Variants in USP48 observed in about 807,000 individuals in gnomAD.
USP48 encodes the protein ubiquitin carboxyl-terminal hydrolase 48.
In USP48, 43 loss-of-function variants were observed where a neutral mutation model predicts 150.7. The ratio of observed to expected loss-of-function variants is 0.29; its 90% CI spans 0.22 to 0.37. The LOEUF (loss-of-function observed/expected upper bound fraction) is 0.37, where lower values mean the gene tolerates loss of function less well. Among genes scored for constraint, USP48 ranks in the 10% least tolerant of loss-of-function variants. USP48 has a pLI of 1.00. For synonymous variants in USP48, 396 were observed against 425.9 expected (o/e 0.93, Z 0.86); for missense variants, 813 against 1,249.6 (o/e 0.65, Z 5.27).
intron 1 of USP48, among the ~76,000 whole-genome samples, chr1:21,758,304 C>CA (rs1324221575): frequency 6.6e-6 from 1 of 150,870 alleles, no homozygotes; most frequent in Non-Finnish European, 1.5e-5. Flanking sequence ...AAGCAAAATG[C>CA]AAAGGAGTAT....
At chr1:21,701,173 T>A (rs2097655042) in intron 22 of USP48, among the ~76,000 whole-genome samples, 1 of 149,666 alleles carries the variant, frequency 6.7e-6, no homozygotes, top group Non-Finnish European at 1.5e-5. Flanking sequence ...GAGACCAGCC[T>A]GGCCAACACA....
At chr1:21,727,733 G>T in intron 11 of USP48, 2 of 333,270 alleles carry the variant, frequency 6.0e-6, no homozygotes, top group Non-Finnish European at 8.6e-6. Context: ...GGTCAGAATT[G>T]AATTAAAATT....
At chr1:21,697,058 C>T (rs982898147) in intron 22 of USP48, among the ~76,000 whole-genome samples, 3 of 152,232 alleles carry the variant, frequency 2.0e-5, no homozygotes, top group African/African-American at 7.2e-5. Flanking sequence ...ACAGTCGTCA[C>T]TGAATGTCAG....
chr1:21,728,010 A>T, intron 11 of USP48: 1 of 985,432 alleles, frequency 1.0e-6, no homozygotes, highest in Non-Finnish European at 1.2e-6. Context: ...TCATTTTGAG[A>T]CATCAGGTAA....
chr1:21,705,522 G>C (rs2097669711), intron 19 of USP48, among the ~76,000 whole-genome samples: 2 of 152,088 alleles, frequency 1.3e-5, no homozygotes, highest in Non-Finnish European at 2.9e-5. Context: ...AGAGCAAAAA[G>C]ACAAATAGCC....
chr1:21,736,595 A>G lies in USP48; in HGVS notation c.1022T>C (p.Val341Ala). ...AGCACTCACTCCTCTGTGTATGAGG[A>G]CTGCGCTGAGTTCATACACGTAGGA... ...GGSYVYELSA[V>A]LIHRGVSAYS... Residue 341 changes from valine to alanine, a missense_variant, in exon 9 of 27, where the codon GTC becomes GCC. Val to Ala is a moderately conservative substitution (Grantham distance 64). Transcript: ENST00000308271. The G allele has an allele frequency of 6.5e-7, 1 of 1,539,302 alleles. No individual in the cohort carries two copies. Among genetic ancestry groups the G allele is most frequent in the Non-Finnish European group, 8.7e-7 (1 of 1,150,690 alleles).
intron 23 of USP48, among the ~76,000 whole-genome samples, chr1:21,692,348 C>G (rs2097604680): frequency 6.6e-6 from 1 of 152,092 alleles, no homozygotes; most frequent in Non-Finnish European, 1.5e-5. Context: ...CAGCCCTACA[C>G]CAGCAAATGT....
intron 9 of USP48, among the ~76,000 whole-genome samples, chr1:21,733,726 T>TA (rs543219949): frequency 1.3e-3 from 194 of 152,050 alleles, no homozygotes; most frequent in African/African-American, 3.6e-3. Flanking sequence ...AGATAGATTT[T>TA]AAAAAAACCC....
At chr1:21,747,747 A>G (rs1158300028) in intron 7 of USP48, among the ~76,000 whole-genome samples, 1 of 151,394 alleles carries the variant, frequency 6.6e-6, no homozygotes, top group Non-Finnish European at 1.5e-5. Flanking sequence ...TAATTTTTGT[A>G]TTTTTAGTAG....
At chr1:21,751,367 C>T in intron 6 of USP48, 140 bp downstream of exon 6, 2 of 658,794 alleles carry the variant, frequency 3.0e-6, no homozygotes, top group South Asian at 4.2e-5. Flanking sequence ...AAAGTGTCTT[C>T]TGGATCATTA....
rs544968835 is a variant in USP48 at position 21,682,120 on chromosome 1, G to A, written c.3059-1286C>T. On this transcript the variant is annotated intron_variant, in intron 25 of 26. Coordinates refer to ENST00000308271, the MANE Select transcript of USP48 (RefSeq NM_032236.8). ...AAGAAGAAGAACACATCCTCACACA[G>A]TATCATGGCAGACGGTGCATGACAG... Among the ~76,000 whole-genome samples the A allele has an allele frequency of 7.9e-5, 12 of 152,326 alleles. No individual in the cohort carries two copies. The South Asian group carries it at 2.5e-3, about 32-fold the overall frequency.
At chr1:21,749,916 T>G (rs2097804892) in intron 6 of USP48, among the ~76,000 whole-genome samples, 1 of 152,146 alleles carries the variant, frequency 6.6e-6, no homozygotes, top group East Asian at 1.9e-4. Context: ...GCCTGCAAAT[T>G]TTATCTGCTC....
chr1:21,682,939 T>C (rs1394868223), intron 25 of USP48, among the ~76,000 whole-genome samples: 1 of 149,126 alleles, frequency 6.7e-6, no homozygotes, highest in East Asian at 2.0e-4. Flanking sequence ...GACTAAAGGG[T>C]GCCTGGGACA....
chr1:21,739,518 CAAAAAAAAAAAAA>C (rs61410306), intron 8 of USP48, among the ~76,000 whole-genome samples: 11 of 66,320 alleles, frequency 1.7e-4, no homozygotes, highest in Non-Finnish European at 2.5e-4. Context: ...GACTCCGTCT[CAAAAAAAAAAAAA>C]AAAAAAAAAA....
chr1:21,710,824 T>TA lies in USP48; in HGVS notation c.1964-3957dup, dbSNP rs753764993. 1.7e-3 allele frequency among the ~76,000 whole-genome samples: 259 copies of TA among 152,198 alleles called. 1 individual carries two copies. Among genetic ancestry groups the TA allele is most frequent in the Non-Finnish European group, 3.0e-3 (207 of 68,012 alleles). On this transcript the variant is annotated intron_variant, in intron 15 of 26. Coordinates refer to ENST00000308271, the MANE Select transcript of USP48 (RefSeq NM_032236.8). ...TTAAAAAAAAAAAAACTTTTATTTT[T>TA]AGAGACAGGATCTCACTCTGTCACC...
At chr1:21,778,798 T>G (rs2097906860) in intron 1 of USP48, among the ~76,000 whole-genome samples, 1 of 151,254 alleles carries the variant, frequency 6.6e-6, no homozygotes, top group Non-Finnish European at 1.5e-5. Flanking sequence ...TCACCCAGGC[T>G]GGAGTGCAGT....
intron 8 of USP48, among the ~76,000 whole-genome samples, chr1:21,745,011 G>A (rs538103444): frequency 1.1e-4 from 16 of 152,144 alleles, no homozygotes; most frequent in African/African-American, 1.7e-4. Context: ...GTACAGATTT[G>A]TGTGGTTATG....
In USP48 at chr1:21,771,804, A is replaced by C. The variant is rs1000166869; in HGVS notation, c.134+11020T>G. On this transcript the variant is annotated intron_variant, in intron 1 of 26. Coordinates refer to ENST00000308271, the MANE Select transcript of USP48 (RefSeq NM_032236.8). ...CGTGGTGGCACATGCCTGTAATCCC[A>C]GCTGTCAGGGGGATGAGACAGGAGA... Among the ~76,000 whole-genome samples the C allele has an allele frequency of 8.7e-4, 4 of 4,580 alleles. No individual in the cohort carries two copies. The Non-Finnish European group carries it at 0.023, about 26-fold the overall frequency. 3.0% of individuals were successfully genotyped at this position (4,580 alleles called of 152,430 possible).
chr1:21,750,754 C>T (rs151317838), intron 6 of USP48, among the ~76,000 whole-genome samples: 6 of 152,094 alleles, frequency 3.9e-5, no homozygotes, highest in African/African-American at 9.6e-5. Flanking sequence ...TGGTGGCCCG[C>T]GCCTATAATC....
Sources: gnomAD v4.1 joint callset for allele counts (sites outside exome capture counted in the v4.1 genomes callset) on GRCh38, gnomAD v4.1.1 for gene constraint, MANE v1.5 for transcripts, NCBI Gene and HGNC (gene_info 2026-07-23, HGNC 2026-07-21) for gene names.